The following HERC1 variants were observed in gnomAD, a reference collection of about 807,000 sequenced individuals.
HERC1 encodes the protein HECT and RLD domain containing E3 ubiquitin protein ligase family member 1, also known as probable E3 ubiquitin-protein ligase HERC1.
A neutral mutation model predicts 554.3 loss-of-function variants in HERC1; 160 were observed. The ratio of observed to expected loss-of-function variants is 0.29; its 90% CI spans 0.25 to 0.33. The LOEUF (loss-of-function observed/expected upper bound fraction) is 0.33, where lower values mean the gene tolerates loss of function less well. Ranked by LOEUF, HERC1 falls within the 10% of genes least tolerant of loss-of-function variation. The probability of loss-of-function intolerance (pLI) is 1.00; values close to 1 mark genes in which losing one functional copy is unlikely to be tolerated. For missense variants in HERC1, 4,919 were observed against 5,918.5 expected, an observed-to-expected ratio of 0.83 and a Z score of 5.54; for synonymous variants, 2,175 against 2,131.7, an observed-to-expected ratio of 1.02 and a Z score of -0.56.
rs1178038841 is a variant in HERC1, at chr15:63,645,476, A to C, written c.11078+7T>G. 2 of 1,599,208 alleles carry C rather than the reference A, an allele frequency of 1.3e-6. No homozygotes were observed. On this transcript the variant is annotated splice_region_variant and intron_variant, in intron 56 of 77. Transcript: ENST00000443617. ...CTAAGACGTATAGATGCAAATTGAC[A>C]ACATACGTAGCCATCAGTAACTGCA...
At chr15:63,728,984 A>G (rs1162606130) in intron 16 of HERC1, among the ~76,000 whole-genome samples, 1 of 151,610 alleles carries the variant, frequency 6.6e-6, no homozygotes, top group Non-Finnish European at 1.5e-5. Context: ...ACTTTCTGCC[A>G]TTTAAAATTA....
chr15:63,646,694 G>C (rs1226772271), intron 55 of HERC1, among the ~76,000 whole-genome samples: 1 of 151,736 alleles, frequency 6.6e-6, no homozygotes, highest in East Asian at 1.9e-4. Flanking sequence ...TGTAATCCCA[G>C]CTACTCAGGA....
chr15:63,772,118 A>T (rs928562652), intron 2 of HERC1, among the ~76,000 whole-genome samples: 1 of 151,652 alleles, frequency 6.6e-6, no homozygotes, highest in African/African-American at 2.4e-5. Context: ...GCAAAACTCC[A>T]TCTCAAAAAA....
At position 63,696,345 on chromosome 15, in the gene HERC1, G is replaced by C. The variant is rs2072410718; in HGVS notation, c.4906-6C>G. 1 of 1,595,226 alleles carries C rather than the reference G, an allele frequency of 6.3e-7. No individual in the cohort carries two copies. Among genetic ancestry groups the C allele is most frequent in the African/African-American group, 1.3e-5 (1 of 74,434 alleles). ...TGAAGTGCCTCTAAACGAAGCTTGA[G>C]GAAAAAAACATATTTTAGAGTTCTT... is the stretch of plus-strand genomic sequence containing the variant. On this transcript the variant is annotated splice_polypyrimidine_tract_variant and splice_region_variant and intron_variant, in intron 26 of 77. Transcript: ENST00000443617.
At position 63,694,894 on chromosome 15, in the gene HERC1, C is replaced by G. The variant is rs777435058; in HGVS notation, c.5122G>C (p.Asp1708His). 1.2e-6 allele frequency: 2 copies of G among 1,610,988 alleles called. No homozygotes were observed. Among genetic ancestry groups the G allele is most frequent in the East Asian group, 2.2e-5 (1 of 44,830 alleles). Residue 1708 changes from aspartate to histidine, a missense_variant and splice_region_variant, in exon 28 of 78, where the codon GAT becomes CAT. Asp to His is a moderately conservative substitution (Grantham distance 81). Transcript: ENST00000443617. The surrounding 1 kb of genome is among the most constrained non-coding windows in gnomAD (Gnocchi z 4.3). ...GESGRLHHYQ[D>H]GIRAAKRNIQ... is the part of the protein sequence containing the mutation. Reference sequence around the variant, plus strand: ...TTTCTCTTAGCTGCTCTGATCCCATCCTGAATTACACATAAAGAATTACTT... The same window carrying G: ...TTTCTCTTAGCTGCTCTGATCCCATGCTGAATTACACATAAAGAATTACTT...
At chr15:63,803,281 A>G (rs972985893) in intron 1 of HERC1, among the ~76,000 whole-genome samples, 5 of 152,252 alleles carry the variant, frequency 3.3e-5, no homozygotes, top group African/African-American at 9.6e-5. Context: ...GTGGAGGTAC[A>G]GAGAGGCTAA....
At chr15:63,755,183 T>C (rs1278910002) in intron 6 of HERC1, 46 bp downstream of exon 6, 3 of 1,310,812 alleles carry the variant, frequency 2.3e-6, no homozygotes, top group Non-Finnish European at 3.3e-6. Flanking sequence ...AACTTAATCA[T>C]TTCTAATTTT....
rs1567176634 is a variant in HERC1, at chr15:63,833,793, G to GCACACA, written c.-27+33_-27+34insTGTGTG. 2.7e-3 allele frequency: 402 copies of GCACACA among 146,320 alleles called. 4 individuals carry two copies. Among genetic ancestry groups the GCACACA allele is most frequent in the African/African-American group, 0.01 (391 of 38,790 alleles). 9.1% of individuals were successfully genotyped at this position (146,320 alleles called of 1,614,324 possible). A position where few individuals can be genotyped will look rare whatever the true frequency, so the allele number is the denominator to read the frequency against. On this transcript the variant is annotated intron_variant, in intron 1 of 77. Coordinates refer to ENST00000443617, the MANE Select transcript of HERC1 (RefSeq NM_003922.4). ...CACACACACACACACACACACACAG[G>GCACACA]ACCAGGAGGACGGTAGATGATGCGT...
At chr15:63,757,370 T>C (rs1206107799) in intron 4 of HERC1, among the ~76,000 whole-genome samples, 2 of 148,344 alleles carry the variant, frequency 1.3e-5, no homozygotes, top group Non-Finnish European at 3.0e-5. Context: ...GTTCAAGCAA[T>C]TCCTGCCTCA....
chr15:63,608,917 A>C lies in HERC1; in HGVS notation c.*164T>G. On this transcript the variant is annotated 3_prime_UTR_variant, in exon 78 of 78. Transcript: ENST00000443617. The stretch of plus-strand genomic sequence containing the variant: ...TGTACAATCACAGAAAAATAAAAAC[A>C]TCTAATTTCTTTGTTACATTTAGAG... The C allele has an allele frequency of 3.7e-6, 2 of 536,630 alleles. No homozygotes were observed. Among genetic ancestry groups the C allele is most frequent in the Non-Finnish European group, 5.9e-6 (2 of 336,146 alleles). 33.2% of individuals were successfully genotyped at this position (536,630 alleles called of 1,614,324 possible). A position where few individuals can be genotyped will look rare whatever the true frequency, so the allele number is the denominator to read the frequency against.
chr15:63,683,264 C>T (rs2071576813), intron 34 of HERC1, among the ~76,000 whole-genome samples: 1 of 151,912 alleles, frequency 6.6e-6, no homozygotes, highest in Non-Finnish European at 1.5e-5. Flanking sequence ...TAGTGGGACA[C>T]AACTTACTTG....
At chr15:63,650,470 T>C (rs2069613591) in intron 53 of HERC1, among the ~76,000 whole-genome samples, 1 of 150,886 alleles carries the variant, frequency 6.6e-6, no homozygotes, top group African/African-American at 2.4e-5. Flanking sequence ...TTGGAGTGAG[T>C]ACAATGGCAT....
chr15:63,616,036 A>C, intron 75 of HERC1, 116 bp from the exon 76 acceptor site: 1 of 882,800 alleles, frequency 1.1e-6, no homozygotes, highest in South Asian at 1.7e-5. Flanking sequence ...GATAAAAACA[A>C]GGAACACAAA....
intron 1 of HERC1, among the ~76,000 whole-genome samples, chr15:63,813,481 T>C (rs2077397851): frequency 6.6e-6 from 1 of 152,156 alleles, no homozygotes; most frequent in Non-Finnish European, 1.5e-5. Context: ...AAGGGTTTTT[T>C]TTTAATATCA....
rs867485030 is a variant in HERC1, at chr15:63,660,683, T to C, written c.9223+290A>G. On this transcript the variant is annotated intron_variant, in intron 46 of 77. Coordinates refer to ENST00000443617, the MANE Select transcript of HERC1 (RefSeq NM_003922.4). ...TATTTTTTACTTTCCACAATTAGGG[T>C]GGAAATTCAAAATATACCACATCCT... Among the ~76,000 whole-genome samples the C allele has an allele frequency of 2.4e-4, 37 of 152,018 alleles. 1 individual carries two copies. The Middle Eastern group carries it at 0.01, about 42-fold the overall frequency.
rs2075433456 is a variant in HERC1 at position 63,756,867 on chromosome 15, C to T, written c.1222-119G>A. 3.2e-5 allele frequency: 20 copies of T among 631,404 alleles called. No individual in the cohort carries two copies. Among genetic ancestry groups the T allele is most frequent in the Non-Finnish European group, 5.1e-5 (19 of 374,660 alleles). 39.1% of individuals were successfully genotyped at this position (631,404 alleles called of 1,614,324 possible). On this transcript the variant is annotated intron_variant, in intron 4 of 77. Coordinates refer to ENST00000443617, the MANE Select transcript of HERC1 (RefSeq NM_003922.4). This position sits in a 1 kb window ranked among gnomAD's most constrained non-coding sequence, Gnocchi z 5.0. ...TTTTAGCAGGATACGGCATGATTCT[C>T]CAGAGAGATTAAGGAATATACAGAA...
intron 11 of HERC1, 28 bp from the exon 12 acceptor site, chr15:63,747,111 C>T: frequency 6.3e-7 from 1 of 1,576,228 alleles, no homozygotes; most frequent in Non-Finnish European, 8.6e-7. Context: ...TCTATGAATT[C>T]TCGGATCATA....
At chr15:63,754,691 CT>C in intron 6 of HERC1, 43 bp from the exon 7 acceptor site, 1 of 1,581,428 alleles carries the variant, frequency 6.3e-7, no homozygotes, top group Non-Finnish European at 8.6e-7. Context: ...AACATTAACT[CT>C]TTTTCTCTAG....
At chr15:63,833,508 T>C (rs372512998) in intron 1 of HERC1, among the ~76,000 whole-genome samples, 2 of 151,544 alleles carry the variant, frequency 1.3e-5, no homozygotes, top group Admixed American at 6.6e-5. Context: ...GGCACAGACG[T>C]TGTAAGCCGC....
Sources: gnomAD v4.1 joint callset for allele counts (sites outside exome capture counted in the v4.1 genomes callset) on GRCh38, gnomAD v4.1.1 for gene constraint, Gnocchi (gnomAD v3.1) non-coding constraint, MANE v1.5 for transcripts, NCBI Gene and HGNC (gene_info 2026-07-23, HGNC 2026-07-21) for gene names.